Variants in TAB1 observed in about 807,000 individuals in gnomAD.
TAB1 encodes the protein TGF-beta-activated kinase 1 and MAP3K7-binding protein 1.
Under a neutral mutation model 54.5 loss-of-function variants are expected in TAB1, and 30 were observed. That is an observed-to-expected ratio of 0.55 (90% CI 0.41 to 0.75). The LOEUF is 0.75. Ranked by LOEUF, TAB1 falls within the 30% of genes least tolerant of loss-of-function variation. The pLI is 0.00. For missense variants in TAB1, 609 were observed against 683.2 expected, an observed-to-expected ratio of 0.89 and a Z score of 1.21; for synonymous variants, 289 against 286.9, an observed-to-expected ratio of 1.01 and a Z score of -0.07.
Position 39,421,810 on chromosome 22 carries a change from C to T in TAB1, c.777-17C>T. 6.2e-7 allele frequency: 1 copy of T among 1,613,972 alleles called. No homozygotes were observed. Among genetic ancestry groups the T allele is most frequent in the Non-Finnish European group, 8.5e-7 (1 of 1,179,930 alleles). ...GCTGTTCCAAGCAAAGCTCTTCCTT[C>T]CACTCTCTCCCCATAGCGCTGCCAA... On this transcript the variant is annotated splice_polypyrimidine_tract_variant and intron_variant, in intron 7 of 10. Transcript: ENST00000216160.
intron 1 of TAB1, among the ~76,000 whole-genome samples, chr22:39,409,675 G>T (rs1346739082): frequency 1.3e-5 from 2 of 152,092 alleles, no homozygotes; most frequent in Admixed American, 1.3e-4. Context: ...TTCAGGTCTG[G>T]CTCAGACGTC....
At chr22:39,411,479 C>T (rs1926603043) in intron 1 of TAB1, among the ~76,000 whole-genome samples, 1 of 152,136 alleles carries the variant, frequency 6.6e-6, no homozygotes, top group Non-Finnish European at 1.5e-5. Context: ...CAAATAAACA[C>T]GTGAAAGATA....
At chr22:39,413,906 A>G (rs1279205481) in intron 1 of TAB1, among the ~76,000 whole-genome samples, 1 of 152,124 alleles carries the variant, frequency 6.6e-6, no homozygotes, top group Admixed American at 6.5e-5. Flanking sequence ...CCTTGCATCA[A>G]AGTTGTTCCT....
In TAB1 at chr22:39,415,082, A is replaced by G; in HGVS notation, c.110A>G (p.Tyr37Cys). 1 of 1,613,270 alleles carries G rather than the reference A, an allele frequency of 6.2e-7. No homozygotes were observed. The highest frequency in any genetic ancestry group is 8.5e-7 in the Non-Finnish European group (1 of 1,179,518). Reference sequence around the variant, plus strand: ...GTTGGCTCAGCCTCCAACCGCAGCTACTCTGCTGATGGCAAGGGCACTGAG... The same window carrying G: ...GTTGGCTCAGCCTCCAACCGCAGCTGCTCTGCTGATGGCAAGGGCACTGAG... ...SGVGSASNRS[Y>C]SADGKGTESH... Residue 37 changes from tyrosine to cysteine, a missense_variant, in exon 2 of 11, where the codon TAC becomes TGC. Coordinates refer to ENST00000216160, the MANE Select transcript of TAB1 (RefSeq NM_006116.3). This position sits in a 1 kb window ranked among gnomAD's most constrained non-coding sequence, Gnocchi z 4.9.
chr22:39,436,753 G>A, downstream of TAB1: 1 of 600,598 alleles, frequency 1.7e-6, no homozygotes, highest in Non-Finnish European at 3.0e-6. Context: ...CACCTAGAAT[G>A]GCCCATCCTT....
chr22:39,430,195 C>T lies in TAB1; in HGVS notation c.1488C>T (p.Gly496=), dbSNP rs752457769. The change falls in exon 11 of 11, where the codon GGC becomes GGT. Residue 496 remains glycine (G), a synonymous_variant. Coordinates refer to ENST00000216160, the MANE Select transcript of TAB1 (RefSeq NM_006116.3). ...EFYRLWSVDH[G]EQSVVTAP Reference sequence around the variant, plus strand: ...ACCGCCTCTGGAGCGTGGACCATGGCGAGCAGAGCGTGGTGACAGCACCGT... The same window carrying T: ...ACCGCCTCTGGAGCGTGGACCATGGTGAGCAGAGCGTGGTGACAGCACCGT... The T allele has an allele frequency of 9.9e-6, 16 of 1,613,166 alleles. No individual in the cohort carries two copies. The highest frequency in any genetic ancestry group is 4.5e-5 in the East Asian group (2 of 44,890).
chr22:39,404,075 A>T (rs1489040788), intron 1 of TAB1, among the ~76,000 whole-genome samples: 1 of 152,232 alleles, frequency 6.6e-6, no homozygotes, highest in African/African-American at 2.4e-5. Flanking sequence ...GAAGTATCAG[A>T]TTCCAGTTGT....
In TAB1 at chr22:39,417,396, G is replaced by A. The variant is rs542936524; in HGVS notation, c.412-315G>A. Among the ~76,000 whole-genome samples the A allele has an allele frequency of 1.8e-4, 27 of 152,272 alleles. 1 individual carries two copies. In the East Asian group the frequency reaches 3.9e-3, roughly 22 times the overall value. ...AGCACCTTGGGAGGCCGAGGCGGGC[G>A]GATCACAAGGTCAGGAGATCAAGAC... On this transcript the variant is annotated intron_variant, in intron 4 of 10. Transcript: ENST00000216160.
chr22:39,436,421 C>G, downstream of TAB1: 1 of 1,354,204 alleles, frequency 7.4e-7, no homozygotes, highest in Non-Finnish European at 1.1e-6. Context: ...TGCCCAAGAT[C>G]ACACAGGAGC....
intron 1 of TAB1, among the ~76,000 whole-genome samples, chr22:39,406,762 A>G (rs1394025558): frequency 1.3e-5 from 2 of 151,956 alleles, no homozygotes; most frequent in Non-Finnish European, 2.9e-5. Context: ...CCTCTGGAGT[A>G]GCTGGGACTA....
intron 8 of TAB1, among the ~76,000 whole-genome samples, chr22:39,425,466 G>A (rs1019114854): frequency 8.5e-5 from 13 of 152,094 alleles, no homozygotes; most frequent in East Asian, 3.9e-4. Context: ...TTGCCCAGCC[G>A]TAGGCTAATA....
At chr22:39,426,475 C>T (rs149388032) in intron 8 of TAB1, among the ~76,000 whole-genome samples, 3 of 152,298 alleles carry the variant, frequency 2.0e-5, no homozygotes, top group African/African-American at 7.2e-5. Flanking sequence ...GGTGTGCACC[C>T]AACAATTAGA....
chr22:39,431,939 C>G, downstream of TAB1: 4 of 914,076 alleles, frequency 4.4e-6, no homozygotes, highest in Non-Finnish European at 5.2e-6. Context: ...GTGGACGCCT[C>G]CCCTCTTCAC....
chr22:39,405,746 C>T (rs1019383283), intron 1 of TAB1, among the ~76,000 whole-genome samples: 2 of 152,158 alleles, frequency 1.3e-5, no homozygotes, highest in Admixed American at 1.3e-4. Flanking sequence ...AATGGACGCT[C>T]GGTATGGCTA....
intron 1 of TAB1, among the ~76,000 whole-genome samples, chr22:39,413,519 C>T (rs1045531363): frequency 6.6e-5 from 10 of 151,172 alleles, no homozygotes; most frequent in African/African-American, 2.4e-4. Flanking sequence ...TGGGTTTAAG[C>T]GATTCTCCTG....
chr22:39,410,566 C>CT (rs921849662), intron 1 of TAB1, among the ~76,000 whole-genome samples: 155 of 145,130 alleles, frequency 1.1e-3, no homozygotes, highest in African/African-American at 3.3e-3. Flanking sequence ...TTTCATCTTC[C>CT]TTTTTTTTTT....
chr22:39,419,431 C>T (rs2145672364), intron 6 of TAB1, 88 bp from the exon 7 acceptor site: 2 of 1,144,024 alleles, frequency 1.7e-6, no homozygotes, highest in African/African-American at 1.5e-5. Context: ...TCCTTATTGC[C>T]TTCTTCCCAT....
rs367780372 is a variant in TAB1 at position 39,399,818 on chromosome 22, A to G, written c.16A>G (p.Arg6Gly). The change falls in exon 1 of 11, where the codon AGG becomes GGG. Residue 6 changes from arginine (R) to glycine (G), a missense_variant. By Grantham distance (125) the Arg-to-Gly change is moderately radical. Transcript: ENST00000216160. ...TTCCTCCAAGATGGCGGCGCAGAGG[A>G]GGAGCTTGCTGCAGAGTGTGAGGAA... MAAQR[R>G]SLLQSEQQPS... is the part of the protein sequence containing the mutation. 4 of 1,597,620 alleles carry G rather than the reference A, an allele frequency of 2.5e-6. No individual in the cohort carries two copies. In the South Asian group the frequency reaches 3.4e-5, roughly 14 times the overall value.
chr22:39,436,158 T>G (rs927640664), downstream of TAB1, among the ~76,000 whole-genome samples: 1 of 152,146 alleles, frequency 6.6e-6, no homozygotes, highest in African/African-American at 2.4e-5. Flanking sequence ...CCAGGCGTTG[T>G]GGTGCATGCC....
Sources: allele counts gnomAD v4.1 joint callset (sites outside exome capture counted in the v4.1 genomes callset), GRCh38; gene constraint gnomAD v4.1.1; non-coding constraint Gnocchi (gnomAD v3.1); transcripts MANE v1.5; gene names NCBI Gene and HGNC (gene_info 2026-07-23, HGNC 2026-07-21).